The following TEX11 variants were observed in gnomAD, a reference collection of about 807,000 sequenced individuals.
TEX11 encodes testis expressed 11.
In TEX11, 7 loss-of-function variants were observed where a neutral mutation model predicts 84.4. The ratio of observed to expected loss-of-function variants is 0.08; its 90% CI spans 0.05 to 0.16. The LOEUF is 0.16. TEX11 is among the 10% of genes least tolerant of loss of function. TEX11 has a pLI of 1.00. For missense variants in TEX11, 551 were observed against 660.5 expected, an observed-to-expected ratio of 0.83 and a Z score of 1.82; for synonymous variants, 264 against 222.8, an observed-to-expected ratio of 1.18 and a Z score of -1.64.
intron 7 of TEX11, among the ~76,000 whole-genome samples, chrX:70,840,433 A>C (rs2091435547): frequency 9.0e-6 from 1 of 111,635 alleles, no homozygotes; most frequent in Non-Finnish European, 1.9e-5. Context: ...AAATGCTGAG[A>C]GATTTTGTCA....
chrX:70,582,746 A>ATTTG (rs2147482708), intron 25 of TEX11, among the ~76,000 whole-genome samples: 1 of 65,023 alleles, frequency 1.5e-5, no homozygotes, highest in South Asian at 1.1e-3. Context: ...TTATTTATTT[A>ATTTG]TTTATTTATT....
Position 70,766,456 on chromosome X carries a change from A to C in TEX11, c.693-22237T>G, listed in dbSNP as rs143074899. On this transcript the variant is annotated intron_variant, in intron 9 of 29. Coordinates refer to ENST00000374333, the MANE Select transcript of TEX11 (RefSeq NM_031276.3). Reference sequence around the variant, plus strand: ...AAAGAAGCTCCATCTCAGAAAAAGAAAGAAAGAAAGAAATTAAAGAGGACA... The same window carrying C: ...AAAGAAGCTCCATCTCAGAAAAAGACAGAAAGAAAGAAATTAAAGAGGACA... Among the ~76,000 whole-genome samples the C allele has an allele frequency of 5.4e-3, 596 of 110,590 alleles. 2 individuals are homozygous for C. The highest frequency in any genetic ancestry group is 0.018 in the African/African-American group (549 of 30,480).
chrX:70,836,276 C>T (rs1602166938), intron 7 of TEX11, among the ~76,000 whole-genome samples: 1 of 111,215 alleles, frequency 9.0e-6, no homozygotes, highest in Non-Finnish European at 1.9e-5. Context: ...CTAGGTGAAA[C>T]ATTCTGAGAC....
intron 3 of TEX11, among the ~76,000 whole-genome samples, chrX:70,876,133 T>C (rs989211223): frequency 5.3e-5 from 6 of 112,664 alleles, no homozygotes; most frequent in Non-Finnish European, 1.1e-4. Flanking sequence ...TTCTTTCAAC[T>C]TTTCTGTTTG....
At chrX:70,783,153 AAT>A (rs1211844663) in intron 9 of TEX11, among the ~76,000 whole-genome samples, 1 of 112,051 alleles carries the variant, frequency 8.9e-6, no homozygotes, top group African/African-American at 3.2e-5. Flanking sequence ...AGTGCAATCA[AAT>A]TAGAACTCAG....
At chrX:70,647,761 A>C (rs748684513) in intron 17 of TEX11, among the ~76,000 whole-genome samples, 1 of 111,328 alleles carries the variant, frequency 9.0e-6, no homozygotes, top group South Asian at 3.8e-4. Context: ...TTAAAACACC[A>C]TGTTGTTGCT....
intron 8 of TEX11, among the ~76,000 whole-genome samples, chrX:70,810,440 A>G (rs891681174): frequency 8.9e-6 from 1 of 112,255 alleles, no homozygotes; most frequent in Non-Finnish European, 1.9e-5. Flanking sequence ...TGGCACATAT[A>G]CACCATGGAA....
chrX:70,887,201 A>C (rs1201819038), intron 2 of TEX11, among the ~76,000 whole-genome samples: 1 of 112,079 alleles, frequency 8.9e-6, no homozygotes, highest in South Asian at 3.7e-4. Flanking sequence ...TAAGAAAAGC[A>C]GATGGAGGAG....
intron 13 of TEX11, among the ~76,000 whole-genome samples, chrX:70,718,722 T>G (rs1449661260): frequency 8.9e-6 from 1 of 111,838 alleles, no homozygotes; most frequent in Non-Finnish European, 1.9e-5. Flanking sequence ...CTTTAGGAAT[T>G]CGCTAGGCTG....
At chrX:70,557,003 G>A (rs1275763357) in intron 25 of TEX11, among the ~76,000 whole-genome samples, 1 of 108,823 alleles carries the variant, frequency 9.2e-6, no homozygotes, top group Non-Finnish European at 1.9e-5. Context: ...TCACTATGTT[G>A]CCCAGGCTGG....
intron 4 of TEX11, among the ~76,000 whole-genome samples, chrX:70,868,338 C>A (rs1473403932): frequency 2.7e-5 from 3 of 112,056 alleles, no homozygotes; most frequent in Non-Finnish European, 5.6e-5. Flanking sequence ...TACCATCTCA[C>A]TCCAGTTAGA....
At chrX:70,708,249 T>C (rs760694516) in intron 13 of TEX11, among the ~76,000 whole-genome samples, 1 of 111,507 alleles carries the variant, frequency 9.0e-6, no homozygotes, top group East Asian at 2.8e-4. Context: ...CACAATGAGA[T>C]ACTATCTCAC....
rs144300300 is a variant in TEX11, at chrX:70,595,240, C to A, written c.2068-3417G>T. Among the ~76,000 whole-genome samples the A allele has an allele frequency of 6.1e-3, 668 of 110,208 alleles. 5 individuals are homozygous for A. Among genetic ancestry groups the A allele is most frequent in the African/African-American group, 0.02 (605 of 30,297 alleles). On this transcript the variant is annotated intron_variant, in intron 24 of 29. Transcript: ENST00000374333. ...GGGATTATAGGCACCTGCCACCATG[C>A]CCAGCTAATTTTGTGTGTATTTTTA...
In TEX11 at chrX:70,799,772, C is replaced by T. The variant is rs766724138; in HGVS notation, c.692+6933G>A. On this transcript the variant is annotated intron_variant, in intron 9 of 29. Coordinates refer to ENST00000374333, the MANE Select transcript of TEX11 (RefSeq NM_031276.3). ...CAATGAAAGCTCTGCTCTTATCTGC[C>T]GCTGATCTGGGCACAATGGTTTTGG... Among the ~76,000 whole-genome samples, 3 of 112,107 alleles carry T rather than the reference C, an allele frequency of 2.7e-5. No individual in the cohort carries two copies. In the East Asian group the frequency reaches 8.4e-4, roughly 31 times the overall value.
intron 15 of TEX11, among the ~76,000 whole-genome samples, chrX:70,671,908 T>TACAC (rs139208221): frequency 1.7e-5 from 1 of 57,272 alleles, no homozygotes; most frequent in African/African-American, 6.4e-5. Context: ...TATATATATA[T>TACAC]ATACACACAC....
At chrX:70,889,662 G>C (rs2091727284) in intron 2 of TEX11, among the ~76,000 whole-genome samples, 1 of 111,354 alleles carries the variant, frequency 9.0e-6, no homozygotes, top group African/African-American at 3.3e-5. Flanking sequence ...AAGGCATAAG[G>C]TTTTTATTAG....
chrX:70,604,218 C>A (rs1384082371), intron 24 of TEX11, among the ~76,000 whole-genome samples: 1 of 111,138 alleles, frequency 9.0e-6, no homozygotes, highest in Non-Finnish European at 1.9e-5. Flanking sequence ...GATTACCAAC[C>A]AAAAAGGAAA....
At chrX:70,702,472 T>G (rs1387552989) in intron 13 of TEX11, among the ~76,000 whole-genome samples, 2 of 112,307 alleles carry the variant, frequency 1.8e-5, no homozygotes. Flanking sequence ...AACTTTTACA[T>G]GCACTGAGAA....
chrX:70,748,144 G>A (rs1401968187), intron 9 of TEX11, among the ~76,000 whole-genome samples: 7 of 110,837 alleles, frequency 6.3e-5, no homozygotes, highest in Non-Finnish European at 1.3e-4. Flanking sequence ...CAGAAGAAAA[G>A]AAAGAAAAGG....
Sources: gnomAD v4.1 joint callset for allele counts (sites outside exome capture counted in the v4.1 genomes callset) on GRCh38, gnomAD v4.1.1 for gene constraint, MANE v1.5 for transcripts, NCBI Gene and HGNC (gene_info 2026-07-23, HGNC 2026-07-21) for gene names.